MMP25: variants seen among roughly 807,000 people sequenced by gnomAD.
MMP25 encodes matrix metallopeptidase 25, also known as matrix metalloproteinase-25.
Under a neutral mutation model 62.1 loss-of-function variants are expected in MMP25, and 68 were observed. The observed-to-expected ratio is 1.10, with a 90% confidence interval of 0.90 to 1.34. MMP25 has a LOEUF of 1.34. Ranked by LOEUF, MMP25 falls within the 40% of genes most tolerant of loss-of-function variation. The probability of loss-of-function intolerance (pLI) is 0.00; values close to 1 mark genes in which losing one functional copy is unlikely to be tolerated. For synonymous variants in MMP25, 407 were observed against 345.6 expected (o/e 1.18, Z -1.97); for missense variants, 942 against 792.5 (o/e 1.19, Z -2.26).
rs753743584 is a variant in MMP25, at chr16:3,047,443, C to G, written c.128C>G (p.Pro43Arg). Residue 43 changes from proline (P) to arginine (R), a missense_variant, in exon 2 of 10, where the codon CCG (proline) becomes CGG (arginine). By Grantham distance (103) the Pro-to-Arg change is moderately radical. Coordinates refer to ENST00000336577, the MANE Select transcript of MMP25 (RefSeq NM_022468.5). ...VDWLTRYGYLPPPHPAQAQLQ... is the reference protein window; with the variant it reads ...VDWLTRYGYLRPPHPAQAQLQ... Reference sequence around the variant, plus strand: ...TGGCTGACTCGCTATGGTTACCTGCCGCCACCCCACCCTGCCCAGGCCCAG... The same window carrying G: ...TGGCTGACTCGCTATGGTTACCTGCGGCCACCCCACCCTGCCCAGGCCCAG... 1.2e-6 allele frequency: 2 copies of G among 1,613,704 alleles called. No individual in the cohort carries two copies.
intron 2 of MMP25, among the ~76,000 whole-genome samples, chr16:3,048,272 C>CACTCCA: frequency 6.6e-6 from 1 of 152,350 alleles, no homozygotes; most frequent in East Asian, 1.9e-4. Flanking sequence ...TGCACCGTTG[C>CACTCCA]ACTCCAACCT....
chr16:3,049,019 G>A (rs1955860904), intron 2 of MMP25, among the ~76,000 whole-genome samples: 1 of 151,998 alleles, frequency 6.6e-6, no homozygotes, highest in African/African-American at 2.4e-5. Flanking sequence ...TGTTGGCCAA[G>A]CAGGTCTCGA....
chr16:3,057,006 G>A (rs779175469), intron 4 of MMP25, 27 bp from the exon 5 acceptor site: 30 of 1,534,970 alleles, frequency 2.0e-5, no homozygotes, highest in African/African-American at 4.1e-5. Flanking sequence ...AGGGGCGGCC[G>A]CAGCTCTCAC....
In MMP25 at chr16:3,059,418, C is replaced by A. The variant is rs976200357; in HGVS notation, c.*320C>A. The A allele has an allele frequency of 7.1e-4, 179 of 251,198 alleles. No homozygotes were observed. Among genetic ancestry groups the A allele is most frequent in the African/African-American group, 3.6e-3 (161 of 44,870 alleles). The allele number at this position is 251,198 out of a possible 1,614,324, so 15.6% of individuals were successfully genotyped here. On this transcript the variant is annotated 3_prime_UTR_variant, in exon 10 of 10. Transcript: ENST00000336577. ...CTCCCGGCTGCCGCCAGGGGGCGGTCGGACCCCGCCTCCCGAGCCCGGGGA... is the reference window on the plus strand; with the variant it reads ...CTCCCGGCTGCCGCCAGGGGGCGGTAGGACCCCGCCTCCCGAGCCCGGGGA...
rs776427421 is a variant in MMP25, at chr16:3,057,169, C to T, written c.798C>T (p.Arg266=). ...QGPVGDPDKY[R]LSQDDRDGLQ... is the part of the protein sequence containing the mutation. ...CGGTGGGCGACCCTGACAAGTACCG[C>T]CTGTCTCAGGATGACCGCGATGGCC... Residue 266 remains arginine (R), a synonymous_variant, in exon 5 of 10, where the codon CGC becomes CGT. Coordinates refer to ENST00000336577, the MANE Select transcript of MMP25 (RefSeq NM_022468.5). 6.2e-7 allele frequency: 1 copy of T among 1,613,016 alleles called. No individual in the cohort carries two copies. The highest frequency in any genetic ancestry group is 2.2e-5 in the East Asian group (1 of 44,880).
chr16:3,055,925 T>C (rs1417466845), intron 4 of MMP25: 2 of 455,318 alleles, frequency 4.4e-6, no homozygotes, highest in South Asian at 1.5e-5. Flanking sequence ...CTCTGGGTCC[T>C]GGCAGTCCTG....
chr16:3,058,870 C>A lies in MMP25; in HGVS notation c.1461C>A (p.Pro487=). The A allele has an allele frequency of 2.6e-6, 4 of 1,552,696 alleles. No homozygotes were observed. Among genetic ancestry groups the A allele is most frequent in the Non-Finnish European group, 1.7e-6 (2 of 1,147,888 alleles). The stretch of plus-strand genomic sequence containing the variant: ...AGGGCGCCCACTACTGGCGCTTCCC[C>A]AAGAACAGCATCAAGACCGAGCCGG... ...FFKGAHYWRF[P]KNSIKTEPDA... Residue 487 remains proline (P), a synonymous_variant, in exon 10 of 10, where the codon CCC becomes CCA. Coordinates refer to ENST00000336577, the MANE Select transcript of MMP25 (RefSeq NM_022468.5).
intron 9 of MMP25, 33 bp downstream of exon 9, chr16:3,058,702 C>T (rs776827299): frequency 1.3e-6 from 2 of 1,572,416 alleles, no homozygotes; most frequent in East Asian, 4.6e-5. Context: ...GGTTACTGGG[C>T]CTGGGGGTGG....
Position 3,050,270 on chromosome 16 carries a change from C to A in MMP25, c.385C>A (p.Gln129Lys), listed in dbSNP as rs774978946. The A allele has an allele frequency of 1.2e-6, 2 of 1,600,290 alleles. No homozygotes were observed. The highest frequency in any genetic ancestry group is 8.5e-7 in the Non-Finnish European group (1 of 1,170,906). Residue 129 changes from glutamine to lysine, a missense_variant, in exon 4 of 10, where the codon CAG becomes AAG. By Grantham distance (53) the Gln-to-Lys change is moderately conservative. Coordinates refer to ENST00000336577, the MANE Select transcript of MMP25 (RefSeq NM_022468.5). The stretch of plus-strand genomic sequence containing the variant: ...TCTCCCCAGGGTACGTTCCTTCCCC[C>A]AGAGCTCCCAGCTGAGCCAGGAGAC... ...TLTWRVRSFP[Q>K]SSQLSQETVR...
intron 2 of MMP25, among the ~76,000 whole-genome samples, chr16:3,049,696 C>T (rs868390176): frequency 1.4e-4 from 22 of 152,214 alleles, no homozygotes; most frequent in Middle Eastern, 3.2e-3. Flanking sequence ...GCTCCTTTCT[C>T]CAGAGTCCGC....
chr16:3,058,977 C>T lies in MMP25; in HGVS notation c.1568C>T (p.Ala523Val). 1 of 1,553,810 alleles carries T rather than the reference C, an allele frequency of 6.4e-7. No individual in the cohort carries two copies. The highest frequency in any genetic ancestry group is 8.7e-7 in the Non-Finnish European group (1 of 1,148,848). ...CCCCGCGCCCCCAGGCCCCCCAAAGCGACCCCCGTGTCCGAAACCTGCGAT... is the reference window on the plus strand; with the variant it reads ...CCCCGCGCCCCCAGGCCCCCCAAAGTGACCCCCGTGTCCGAAACCTGCGAT... ...SGPRAPRPPKATPVSETCDCQ... is the reference protein window; with the variant it reads ...SGPRAPRPPKVTPVSETCDCQ... Residue 523 changes from alanine (A) to valine (V), a missense_variant, in exon 10 of 10, where the codon GCG becomes GTG. Ala to Val is a moderately conservative substitution (Grantham distance 64). Transcript: ENST00000336577.
Position 3,057,532 on chromosome 16 carries a change from C to T in MMP25, c.925C>T (p.Pro309Ser). 1 of 1,613,872 alleles carries T rather than the reference C, an allele frequency of 6.2e-7. No individual in the cohort carries two copies. Among genetic ancestry groups the T allele is most frequent in the South Asian group, 1.1e-5 (1 of 91,066 alleles). The change falls in exon 7 of 10, where the codon CCA becomes TCA. Residue 309 changes from proline to serine, a missense_variant and splice_region_variant. Coordinates refer to ENST00000336577, the MANE Select transcript of MMP25 (RefSeq NM_022468.5). Reference protein sequence around the residue: ...PQPPASPTHSPSFPIPDRCEG... With the variant: ...PQPPASPTHSSSFPIPDRCEG... ...ACTCACCTCTCCTTTCCTCCCCAGCCCATCCTTCCCCATCCCTGATCGATG... is the reference window on the plus strand; with the variant it reads ...ACTCACCTCTCCTTTCCTCCCCAGCTCATCCTTCCCCATCCCTGATCGATG...
Position 3,055,722 on chromosome 16 carries a change from TG to T in MMP25, c.662-1310del. 1.5e-5 allele frequency: 6 copies of T among 408,726 alleles called. No individual in the cohort carries two copies. In the Middle Eastern group the frequency reaches 4.2e-3, roughly 284 times the overall value. The allele number at this position is 408,726 out of a possible 1,614,324, so 25.3% of individuals were successfully genotyped here. A position where few individuals can be genotyped will look rare whatever the true frequency, so the allele number is the denominator to read the frequency against. On this transcript the variant is annotated intron_variant, in intron 4 of 9. Coordinates refer to ENST00000336577, the MANE Select transcript of MMP25 (RefSeq NM_022468.5). ...CAGGTCGTTACCTATGAACCTGCCC[TG>T]AACAGTGCTGACCTTAGTTAGAGAT...
At chr16:3,052,112 G>A (rs1266176373) in intron 4 of MMP25, 3 of 148,012 alleles carry the variant, frequency 2.0e-5, no homozygotes, top group Non-Finnish European at 4.4e-5. Context: ...GGCAACAAGA[G>A]CAAAACTCCA....
At chr16:3,052,524 G>C (rs1440892178) in intron 4 of MMP25, 1 of 152,298 alleles carries the variant, frequency 6.6e-6, no homozygotes, top group Non-Finnish European at 1.5e-5. Context: ...CCAGGCAAGA[G>C]ATGGTGGAGT....
At position 3,059,423 on chromosome 16, in the gene MMP25, C is replaced by T. The variant is rs1956078053; in HGVS notation, c.*325C>T. On this transcript the variant is annotated 3_prime_UTR_variant, in exon 10 of 10. Transcript: ENST00000336577. ...GGCTGCCGCCAGGGGGCGGTCGGAC[C>T]CCGCCTCCCGAGCCCGGGGAGGGGC... The T allele has an allele frequency of 4.0e-6, 1 of 249,890 alleles. No individual in the cohort carries two copies. Among genetic ancestry groups the T allele is most frequent in the South Asian group, 1.6e-4 (1 of 6,228 alleles). 15.5% of individuals were successfully genotyped at this position (249,890 alleles called of 1,614,324 possible).
intron 2 of MMP25, among the ~76,000 whole-genome samples, chr16:3,048,946 C>T (rs900172326): frequency 1.3e-5 from 2 of 151,800 alleles, no homozygotes; most frequent in African/African-American, 2.4e-5. Flanking sequence ...GCTGGGACTA[C>T]AGGCATCCGC....
chr16:3,055,474 T>C (rs1955990693), intron 4 of MMP25, among the ~76,000 whole-genome samples: 1 of 152,244 alleles, frequency 6.6e-6, no homozygotes, highest in Non-Finnish European at 1.5e-5. Flanking sequence ...AGCAAGACCA[T>C]TGAAGCCCCT....
At chr16:3,047,323 C>T in intron 1 of MMP25, 92 bp from the exon 2 acceptor site, 1 of 1,515,444 alleles carries the variant, frequency 6.6e-7, no homozygotes, top group Non-Finnish European at 8.9e-7. Flanking sequence ...CTCTGGGTGC[C>T]TGGGAGGGGC....
Sources: allele counts gnomAD v4.1 joint callset (sites outside exome capture counted in the v4.1 genomes callset), GRCh38; gene constraint gnomAD v4.1.1; transcripts MANE v1.5; gene names NCBI Gene and HGNC (gene_info 2026-07-23, HGNC 2026-07-21).